The following RABGAP1L variants were observed in gnomAD, a reference collection of about 807,000 sequenced individuals.
RABGAP1L encodes rab GTPase-activating protein 1-like.
Under a neutral mutation model 137.7 loss-of-function variants are expected in RABGAP1L, and 63 were observed. That is an observed-to-expected ratio of 0.46 (90% CI 0.37 to 0.56). RABGAP1L has a LOEUF of 0.56. RABGAP1L is among the 20% of genes least tolerant of loss of function. The pLI, the probability that RABGAP1L is intolerant of heterozygous loss-of-function variation, is 0.00. For synonymous variants in RABGAP1L, 431 were observed against 433.7 expected, an observed-to-expected ratio of 0.99 and a Z score of 0.08; for missense variants, 1,095 against 1,244.0, an observed-to-expected ratio of 0.88 and a Z score of 1.80.
intron 13 of RABGAP1L, among the ~76,000 whole-genome samples, chr1:174,522,839 C>T (rs1663541721): frequency 1.3e-5 from 2 of 152,168 alleles, no homozygotes; most frequent in African/African-American, 4.8e-5. Flanking sequence ...TGAGAACTCA[C>T]TATTGTGAGG....
At chr1:174,560,178 G>T (rs1270552979) in intron 13 of RABGAP1L, among the ~76,000 whole-genome samples, 3 of 151,788 alleles carry the variant, frequency 2.0e-5, no homozygotes, top group Non-Finnish European at 4.4e-5. Flanking sequence ...CTGTATTTCA[G>T]TATTGACAAT....
chr1:174,282,873 A>G (rs547807677), intron 10 of RABGAP1L, among the ~76,000 whole-genome samples: 2 of 152,320 alleles, frequency 1.3e-5, no homozygotes, highest in African/African-American at 2.4e-5. Flanking sequence ...TTTTATCTAT[A>G]GAATTAGTTT....
chr1:174,773,256 C>T (rs898156908), intron 18 of RABGAP1L, among the ~76,000 whole-genome samples: 4 of 151,818 alleles, frequency 2.6e-5, no homozygotes, highest in African/African-American at 7.3e-5. Context: ...CCAGGCATGG[C>T]GACATATGCC....
At position 174,731,123 on chromosome 1, in the gene RABGAP1L, C is replaced by T. The variant is rs184176476; in HGVS notation, c.2170-21190C>T. Among the ~76,000 whole-genome samples, 139 of 152,266 alleles carry T rather than the reference C, an allele frequency of 9.1e-4. 1 individual carries two copies. The highest frequency in any genetic ancestry group is 3.2e-3 in the African/African-American group (132 of 41,546). ...CCCAGTAGCTGGTATTACAGGTACA[C>T]ACCAGCATGCCCACCTGTTTTGTAT... On this transcript the variant is annotated intron_variant, in intron 17 of 25. Transcript: ENST00000681986.
chr1:174,540,511 T>C lies in RABGAP1L; in HGVS notation c.1711-96864T>C, dbSNP rs1412546358. Among the ~76,000 whole-genome samples the C allele has an allele frequency of 1.2e-4, 19 of 152,232 alleles. 1 individual carries two copies. The highest frequency in any genetic ancestry group is 1.2e-3 in the Admixed American group (19 of 15,288). On this transcript the variant is annotated intron_variant, in intron 13 of 25. Transcript: ENST00000681986. ...GGATCCAGTTTCAGCTTTCTACGTA[T>C]GGCTAGCCAGTTTTCCCAGCACCAT...
chr1:174,220,030 ATTG>A (rs1669632188), intron 2 of RABGAP1L, among the ~76,000 whole-genome samples: 1 of 152,324 alleles, frequency 6.6e-6, no homozygotes, highest in Admixed American at 6.5e-5. Flanking sequence ...TTGAGAATAT[ATTG>A]TTTTATAATT....
chr1:174,720,269 A>ATAGG (rs1460185622), intron 17 of RABGAP1L, among the ~76,000 whole-genome samples: 2 of 131,044 alleles, frequency 1.5e-5, no homozygotes, highest in Non-Finnish European at 3.1e-5. Flanking sequence ...AGATAGATAG[A>ATAGG]TAGATAGATA....
At chr1:174,827,238 G>A (rs964231563) in intron 19 of RABGAP1L, among the ~76,000 whole-genome samples, 2 of 151,954 alleles carry the variant, frequency 1.3e-5, no homozygotes, top group African/African-American at 2.4e-5. Context: ...TTGAACTACT[G>A]GGCTCAAACG....
chr1:174,487,655 C>T (rs1282261944), intron 13 of RABGAP1L, among the ~76,000 whole-genome samples: 1 of 152,060 alleles, frequency 6.6e-6, no homozygotes, highest in Non-Finnish European at 1.5e-5. Flanking sequence ...AGACTTACTA[C>T]TGCCTATTTG....
At chr1:174,386,179 C>G (rs1375858294) in intron 12 of RABGAP1L, among the ~76,000 whole-genome samples, 2 of 152,186 alleles carry the variant, frequency 1.3e-5, no homozygotes, top group Non-Finnish European at 2.9e-5. Context: ...TAATAACTGA[C>G]AGTTCAGTGT....
intron 1 of RABGAP1L, among the ~76,000 whole-genome samples, chr1:174,183,091 C>T (rs1666507835): frequency 6.6e-6 from 1 of 152,054 alleles, no homozygotes; most frequent in Non-Finnish European, 1.5e-5. Flanking sequence ...GACTGTGAGC[C>T]CCTTTAAGGC....
At chr1:174,549,063 G>A (rs1010399925) in intron 13 of RABGAP1L, among the ~76,000 whole-genome samples, 44 of 152,258 alleles carry the variant, frequency 2.9e-4, no homozygotes, top group Middle Eastern at 6.8e-3. Context: ...CTTGGGTCCT[G>A]TGTGAGTGCA....
intron 6 of RABGAP1L, among the ~76,000 whole-genome samples, chr1:174,251,442 T>A (rs554765632): frequency 6.6e-5 from 10 of 152,340 alleles, no homozygotes; most frequent in African/African-American, 2.4e-4. Flanking sequence ...TATTATTTAA[T>A]GCTCAACTTT....
intron 19 of RABGAP1L, among the ~76,000 whole-genome samples, chr1:174,880,403 A>G (rs1306961615): frequency 6.6e-6 from 1 of 152,112 alleles, no homozygotes; most frequent in Non-Finnish European, 1.5e-5. Context: ...AGGCCAATGC[A>G]AGAGGAAGAG....
At chr1:174,870,791 G>A (rs1027896894) in intron 19 of RABGAP1L, among the ~76,000 whole-genome samples, 3 of 149,742 alleles carry the variant, frequency 2.0e-5, no homozygotes, top group African/African-American at 4.9e-5. Flanking sequence ...AGGCTGGAGT[G>A]CAGTGGTGCG....
chr1:174,934,379 G>A (rs1041242877), intron 19 of RABGAP1L, among the ~76,000 whole-genome samples: 4 of 151,962 alleles, frequency 2.6e-5, no homozygotes, highest in Admixed American at 6.6e-5. Context: ...GAGCCACCAC[G>A]CCCGGCCGAA....
chr1:174,293,477 C>T (rs1483788503), intron 10 of RABGAP1L, among the ~76,000 whole-genome samples: 1 of 152,158 alleles, frequency 6.6e-6, no homozygotes, highest in African/African-American at 2.4e-5. Flanking sequence ...CATGCTAACT[C>T]CACTGGCTTA....
chr1:174,220,557 A>G lies in RABGAP1L; in HGVS notation c.139-415A>G, dbSNP rs535650158. On this transcript the variant is annotated intron_variant, in intron 2 of 25. Coordinates refer to ENST00000681986, the MANE Select transcript of RABGAP1L (RefSeq NM_001366446.1). Reference sequence around the variant, plus strand: ...GTCGTGCACGCCTGTAGTCCCATCTACTTGAGAGGCTGAGGCATGAGAATC... The same window carrying G: ...GTCGTGCACGCCTGTAGTCCCATCTGCTTGAGAGGCTGAGGCATGAGAATC... Among the ~76,000 whole-genome samples the G allele has an allele frequency of 1.2e-4, 18 of 152,220 alleles. 2 individuals are homozygous for G. The South Asian group carries it at 3.7e-3, about 32-fold the overall frequency.
At chr1:174,668,246 C>T (rs977437350) in intron 14 of RABGAP1L, among the ~76,000 whole-genome samples, 7 of 152,140 alleles carry the variant, frequency 4.6e-5, no homozygotes, top group African/African-American at 1.7e-4. Flanking sequence ...CTTTGACCAA[C>T]ATCTCAGCAC....
Sources: gnomAD v4.1 joint callset for allele counts (sites outside exome capture counted in the v4.1 genomes callset) on GRCh38, gnomAD v4.1.1 for gene constraint, MANE v1.5 for transcripts, NCBI Gene and HGNC (gene_info 2026-07-23, HGNC 2026-07-21) for gene names.